The following KLF8 variants were observed in gnomAD, a reference collection of about 807,000 sequenced individuals.
KLF8 encodes Krueppel-like factor 8.
Under a neutral mutation model 18.2 loss-of-function variants are expected in KLF8, and 10 were observed. The ratio of observed to expected loss-of-function variants is 0.55; its 90% CI spans 0.34 to 0.93. KLF8 has a LOEUF of 0.93. Among genes scored for constraint, KLF8 ranks in the 40% least tolerant of loss-of-function variants. The pLI, the probability that KLF8 is intolerant of heterozygous loss-of-function variation, is 0.02. For missense variants in KLF8, 264 were observed against 277.9 expected, an observed-to-expected ratio of 0.95 and a Z score of 0.36; for synonymous variants, 109 against 97.3, an observed-to-expected ratio of 1.12 and a Z score of -0.71.
At chrX:56,189,308 A>G in the KLF8 span, among the ~76,000 whole-genome samples, 2 of 112,258 alleles carry the variant, frequency 1.8e-5, no homozygotes, top group African/African-American at 3.2e-5. Context: ...ATGCAAGTCA[A>G]AACCACAGTG....
chrX:56,241,207 A>C (rs1187956789), intron 1 of KLF8, among the ~76,000 whole-genome samples: 4 of 111,542 alleles, frequency 3.6e-5, no homozygotes, highest in Non-Finnish European at 7.5e-5. Context: ...TCGCTCTTTC[A>C]TGCAGAGTGG....
the KLF8 span, among the ~76,000 whole-genome samples, chrX:56,056,925 C>A: frequency 9.1e-6 from 1 of 109,724 alleles, no homozygotes; most frequent in Non-Finnish European, 1.9e-5. Flanking sequence ...GTGGTGTCAG[C>A]CAAAATGTTT....
At chrX:56,100,358 AT>A in the KLF8 span, among the ~76,000 whole-genome samples, 2 of 111,901 alleles carry the variant, frequency 1.8e-5, no homozygotes, top group Admixed American at 1.9e-4. Flanking sequence ...CCAAGCTCTG[AT>A]GAAAATGTAC....
At chrX:56,111,711 C>A in the KLF8 span, among the ~76,000 whole-genome samples, 1 of 111,802 alleles carries the variant, frequency 8.9e-6, no homozygotes, top group Admixed American at 9.5e-5. Context: ...ATTTATGCAG[C>A]CAACAAACAT....
At chrX:56,235,359 A>G (rs1328604895) in intron 1 of KLF8, among the ~76,000 whole-genome samples, 1 of 105,238 alleles carries the variant, frequency 9.5e-6, no homozygotes, top group African/African-American at 3.5e-5. Flanking sequence ...ACATTGTAGT[A>G]TTGGGCTCAT....
At chrX:56,123,214 G>C in the KLF8 span, among the ~76,000 whole-genome samples, 1 of 106,676 alleles carries the variant, frequency 9.4e-6, no homozygotes, top group Admixed American at 1.0e-4. Context: ...GAGAGCCAGT[G>C]CATTCCCCTT....
chrX:55,961,946 A>C, the KLF8 span: 1 of 188,291 alleles, frequency 5.3e-6, no homozygotes, highest in African/African-American at 3.1e-5. Context: ...TTTGCTAGTG[A>C]TGATTGTAAC....
the KLF8 span, among the ~76,000 whole-genome samples, chrX:55,926,217 C>A: frequency 9.0e-6 from 1 of 111,278 alleles, no homozygotes; most frequent in Admixed American, 9.5e-5. Context: ...GACACTGATG[C>A]CCTTTAGGAT....
the KLF8 span, among the ~76,000 whole-genome samples, chrX:56,189,727 G>C: frequency 2.8e-5 from 3 of 109,030 alleles, no homozygotes; most frequent in Non-Finnish European, 5.7e-5. Context: ...GTAGGGACAT[G>C]GATGAAATTG....
the KLF8 span, among the ~76,000 whole-genome samples, chrX:56,065,012 G>A: frequency 1.8e-5 from 2 of 111,384 alleles, no homozygotes; most frequent in African/African-American, 6.5e-5. Flanking sequence ...ATTTTTGGGG[G>A]TTTTTAGAAT....
At chrX:56,221,292 G>A in the KLF8 span, among the ~76,000 whole-genome samples, 1 of 111,820 alleles carries the variant, frequency 8.9e-6, no homozygotes, top group African/African-American at 3.3e-5. Flanking sequence ...GATTAGAGGC[G>A]CCTCCCCTGG....
the KLF8 span, among the ~76,000 whole-genome samples, chrX:56,139,671 A>T: frequency 2.7e-5 from 3 of 111,462 alleles, no homozygotes; most frequent in Non-Finnish European, 5.7e-5. Flanking sequence ...AACTATAAAC[A>T]CCCTAAAAGA....
chrX:56,220,695 C>T, the KLF8 span, among the ~76,000 whole-genome samples: 4 of 111,117 alleles, frequency 3.6e-5, no homozygotes, highest in South Asian at 1.5e-3. Flanking sequence ...ACCATGTTGG[C>T]CAGGCTGATC....
At chrX:56,013,485 G>A in the KLF8 span, among the ~76,000 whole-genome samples, 58,522 of 110,324 alleles carry the variant, frequency 0.53, 13,689 homozygotes, top group East Asian at 0.75. Flanking sequence ...GTGAGGACAT[G>A]AGATTTGGGA....
the KLF8 span, among the ~76,000 whole-genome samples, chrX:56,179,078 A>ATAATTACCT: frequency 8.9e-6 from 1 of 112,007 alleles, no homozygotes; most frequent in Admixed American, 9.5e-5. Flanking sequence ...CTTGGGCAGT[A>ATAATTACCT]TGGCCATTTT....
At chrX:56,272,899 G>A (rs1031719331) in intron 5 of KLF8, among the ~76,000 whole-genome samples, 1 of 110,932 alleles carries the variant, frequency 9.0e-6, no homozygotes, top group African/African-American at 3.3e-5. Flanking sequence ...TATCCTAAAA[G>A]GCCCTACAGG....
At chrX:56,185,022 G>A in the KLF8 span, among the ~76,000 whole-genome samples, 2 of 112,899 alleles carry the variant, frequency 1.8e-5, no homozygotes, top group Non-Finnish European at 3.7e-5. Flanking sequence ...AAGCTGGACG[G>A]AGAATGATTT....
the KLF8 span, among the ~76,000 whole-genome samples, chrX:55,946,883 A>G: frequency 1.8e-5 from 2 of 112,095 alleles, no homozygotes; most frequent in Non-Finnish European, 3.8e-5. Context: ...AACACATGAG[A>G]AAATGCTGAC....
chrX:56,216,414 G>T, the KLF8 span, among the ~76,000 whole-genome samples: 1 of 110,957 alleles, frequency 9.0e-6, no homozygotes, highest in African/African-American at 3.3e-5. Context: ...AGCTTGGAGT[G>T]CTGCATGATC....
Sources: gnomAD v4.1 joint callset for allele counts (sites outside exome capture counted in the v4.1 genomes callset) on GRCh38, gnomAD v4.1.1 for gene constraint, MANE v1.5 for transcripts, NCBI Gene and HGNC (gene_info 2026-07-23, HGNC 2026-07-21) for gene names.